The following SEMA6D variants were observed in gnomAD, a reference collection of about 807,000 sequenced individuals.
SEMA6D encodes semaphorin-6D.
In SEMA6D, 35 loss-of-function variants were observed where a neutral mutation model predicts 106.6. The observed-to-expected ratio is 0.33, with a 90% CI of 0.25 to 0.44. The LOEUF (loss-of-function observed/expected upper bound fraction) is 0.44, where lower values mean the gene tolerates loss of function less well. SEMA6D is among the 20% of genes least tolerant of loss of function. SEMA6D has a pLI of 1.00. For missense variants in SEMA6D, 1,185 were observed against 1,345.9 expected, an observed-to-expected ratio of 0.88 and a Z score of 1.87; for synonymous variants, 499 against 487.7, an observed-to-expected ratio of 1.02 and a Z score of -0.31.
At chr15:47,751,901 C>T (rs1475699596) in intron 1 of SEMA6D, among the ~76,000 whole-genome samples, 1 of 152,054 alleles carries the variant, frequency 6.6e-6, no homozygotes, top group East Asian at 1.9e-4. Flanking sequence ...ACTTAACTAG[C>T]CCAAGGATGG....
chr15:47,680,074 C>T (rs2078322612), intron 4 of SEMA6D, among the ~76,000 whole-genome samples: 2 of 152,250 alleles, frequency 1.3e-5, no homozygotes, highest in Admixed American at 6.5e-5. Context: ...AAGTGGCTCC[C>T]ACATAAATCT....
intron 2 of SEMA6D, among the ~76,000 whole-genome samples, chr15:47,451,433 C>T (rs1316171251): frequency 6.6e-6 from 1 of 151,980 alleles, no homozygotes; most frequent in Non-Finnish European, 1.5e-5. Flanking sequence ...AGATCAATCA[C>T]AGCTTCCCAA....
chr15:47,605,141 C>T (rs1423726081), intron 4 of SEMA6D: 1 of 152,126 alleles, frequency 6.6e-6, no homozygotes, highest in African/African-American at 2.4e-5. Flanking sequence ...TCTCAGGAGG[C>T]AAATCTAAGA....
chr15:47,765,515 A>C, intron 13 of SEMA6D: 3 of 918,270 alleles, frequency 3.3e-6, no homozygotes, highest in Non-Finnish European at 4.0e-6. Context: ...GAAGAGAGAA[A>C]TGGAGCCAAG....
intron 1 of SEMA6D, among the ~76,000 whole-genome samples, chr15:47,259,827 T>G (rs1452987483): frequency 6.6e-6 from 1 of 152,142 alleles, no homozygotes; most frequent in African/African-American, 2.4e-5. Flanking sequence ...GGATTTTTTG[T>G]CATTGTCCCA....
chr15:47,521,840 C>G (rs1284900677), intron 3 of SEMA6D, among the ~76,000 whole-genome samples: 4 of 152,082 alleles, frequency 2.6e-5, no homozygotes, highest in Admixed American at 2.0e-4. Flanking sequence ...AAAAACTTAG[C>G]CGGGCATGGT....
chr15:47,740,775 G>T (rs2080762456), intron 1 of SEMA6D, among the ~76,000 whole-genome samples: 1 of 152,112 alleles, frequency 6.6e-6, no homozygotes, highest in Non-Finnish European at 1.5e-5. Context: ...CTTGGGGTAG[G>T]TCCCTGCTGC....
rs141611323 is a variant in SEMA6D at position 47,340,824 on chromosome 15, G to A, written c.-238-71569G>A. Among the ~76,000 whole-genome samples the A allele has an allele frequency of 1.9e-3, 289 of 152,234 alleles. 1 individual carries two copies. The highest frequency in any genetic ancestry group is 6.7e-3 in the African/African-American group (278 of 41,544). Reference sequence around the variant, plus strand: ...CTCACTCTGTCCTTTCTGAGGTCCTGGTGTTTCCTGATGAAATTCTCAATA... The same window carrying A: ...CTCACTCTGTCCTTTCTGAGGTCCTAGTGTTTCCTGATGAAATTCTCAATA... On this transcript the variant is annotated intron_variant, in intron 1 of 19. Transcript: ENST00000558014.
At chr15:47,691,002 A>C (rs982816968) in intron 4 of SEMA6D, among the ~76,000 whole-genome samples, 2 of 152,134 alleles carry the variant, frequency 1.3e-5, no homozygotes, top group African/African-American at 4.8e-5. Flanking sequence ...TATTTTTTAG[A>C]ATATGCCAGT....
chr15:47,760,681 C>A (rs1866500), intron 3 of SEMA6D, among the ~76,000 whole-genome samples: 11,249 of 151,836 alleles, frequency 0.074, 1,260 homozygotes, highest in African/African-American at 0.24. Flanking sequence ...AAAAACCTTT[C>A]TTTATGCGTT....
In SEMA6D at chr15:47,770,616, T is replaced by C; in HGVS notation, c.2053T>C (p.Cys685Arg). ...ATTCATTGCAGGTGTGGCAGTATACTGCTATCGAGACATGTTTGTTCGGAA... is the reference window on the plus strand; with the variant it reads ...ATTCATTGCAGGTGTGGCAGTATACCGCTATCGAGACATGTTTGTTCGGAA... ...GAFIAGVAVYCYRDMFVRKNR... is the reference protein window; with the variant it reads ...GAFIAGVAVYRYRDMFVRKNR... Residue 685 changes from cysteine (C) to arginine (R), a missense_variant, in exon 19 of 19, where the codon TGC becomes CGC. Coordinates refer to ENST00000536845, the MANE Select transcript of SEMA6D (RefSeq NM_001358351.3). 1 of 1,614,082 alleles carries C rather than the reference T, an allele frequency of 6.2e-7. No individual in the cohort carries two copies. Among genetic ancestry groups the C allele is most frequent in the Admixed American group, 1.7e-5 (1 of 60,008 alleles).
intron 2 of SEMA6D, chr15:47,470,334 G>A (rs2141158146): frequency 6.6e-6 from 1 of 151,718 alleles, no homozygotes; most frequent in Admixed American, 6.6e-5. Flanking sequence ...TGAAGGCCTA[G>A]AATTGCTTAT....
chr15:47,297,920 A>G (rs1362665879), intron 1 of SEMA6D, among the ~76,000 whole-genome samples: 2 of 152,292 alleles, frequency 1.3e-5, no homozygotes, highest in African/African-American at 4.8e-5. Context: ...GACAGAAGGT[A>G]AATCATTGTG....
intron 1 of SEMA6D, among the ~76,000 whole-genome samples, chr15:47,334,997 G>A (rs2037492112): frequency 6.6e-6 from 1 of 152,198 alleles, no homozygotes; most frequent in South Asian, 2.1e-4. Context: ...ACTAAGGTCA[G>A]ATGTGTGTCT....
chr15:47,545,286 G>A (rs2045485582), intron 3 of SEMA6D, among the ~76,000 whole-genome samples: 1 of 152,078 alleles, frequency 6.6e-6, no homozygotes. Flanking sequence ...AATTAAAGTA[G>A]GCTGCTAAAT....
At chr15:47,599,206 A>G (rs900299915) in intron 3 of SEMA6D, among the ~76,000 whole-genome samples, 3 of 152,158 alleles carry the variant, frequency 2.0e-5, no homozygotes, top group African/African-American at 4.8e-5. Flanking sequence ...CTGTGCTGGG[A>G]GTATGGCCAA....
intron 3 of SEMA6D, among the ~76,000 whole-genome samples, chr15:47,480,736 T>C (rs945406404): frequency 6.6e-6 from 1 of 152,196 alleles, no homozygotes; most frequent in Admixed American, 6.5e-5. Flanking sequence ...ACCCATCTCA[T>C]CAGTAATACT....
intron 1 of SEMA6D, among the ~76,000 whole-genome samples, chr15:47,749,150 C>G (rs1478254250): frequency 1.4e-5 from 2 of 144,794 alleles, no homozygotes; most frequent in Non-Finnish European, 3.0e-5. Context: ...GGTGTGATCT[C>G]AGCTCACTGC....
At chr15:47,266,541 G>T (rs1255735695) in intron 1 of SEMA6D, among the ~76,000 whole-genome samples, 2 of 152,092 alleles carry the variant, frequency 1.3e-5, no homozygotes, top group African/African-American at 4.8e-5. Flanking sequence ...AAGCCGTAAT[G>T]AGGGCAGTTG....
Sources: gnomAD v4.1 joint callset for allele counts (sites outside exome capture counted in the v4.1 genomes callset) on GRCh38, gnomAD v4.1.1 for gene constraint, MANE v1.5 for transcripts, NCBI Gene and HGNC (gene_info 2026-07-23, HGNC 2026-07-21) for gene names.